Variants in SCAMP1 observed in about 807,000 individuals in gnomAD.
SCAMP1 encodes secretory carrier membrane protein 1.
SCAMP1 carries 15 observed loss-of-function variants against 41.8 expected under a neutral mutation model. That is an observed-to-expected ratio of 0.36 (90% CI 0.24 to 0.55). The LOEUF is 0.55. SCAMP1 is among the 20% of genes least tolerant of loss of function. The pLI is 0.86. For synonymous variants in SCAMP1, 135 were observed against 136.8 expected (o/e 0.99, Z 0.09); for missense variants, 341 against 412.6 (o/e 0.83, Z 1.50).
rs1041671033 is a variant in SCAMP1, at chr5:78,476,237, T to C, written c.*569T>C. Reference sequence around the variant, plus strand: ...TTTCTTTTTTTTAGAATAGCTGATATTTTGATAACAATCTCTAATTTGCAT... The same window carrying C: ...TTTCTTTTTTTTAGAATAGCTGATACTTTGATAACAATCTCTAATTTGCAT... On this transcript the variant is annotated 3_prime_UTR_variant, in exon 9 of 9. Transcript: ENST00000621999. The C allele has an allele frequency of 1.3e-5, 2 of 152,212 alleles. No individual in the cohort carries two copies. Among genetic ancestry groups the C allele is most frequent in the African/African-American group, 4.8e-5 (2 of 41,440 alleles). The allele number at this position is 152,212 out of a possible 1,614,324, so 9.4% of individuals were successfully genotyped here. A position where few individuals can be genotyped will look rare whatever the true frequency, so the allele number is the denominator to read the frequency against.
rs887204929 is a variant in SCAMP1, at chr5:78,457,737, T to G, written c.735-1508T>G. Reference sequence around the variant, plus strand: ...CCCAGTTCGAGCTTCCCGGCTGCTTTGTTTACCTAAGCAAGCCTGGGCAAT... The same window carrying G: ...CCCAGTTCGAGCTTCCCGGCTGCTTGGTTTACCTAAGCAAGCCTGGGCAAT... On this transcript the variant is annotated intron_variant, in intron 7 of 8. Transcript: ENST00000621999. 4.5e-5 allele frequency: 7 copies of G among 153,878 alleles called. 1 individual carries two copies. The highest frequency in any genetic ancestry group is 3.9e-4 in the Admixed American group (6 of 15,304). 9.5% of individuals were successfully genotyped at this position (153,878 alleles called of 1,614,324 possible). A position where few individuals can be genotyped will look rare whatever the true frequency, so the allele number is the denominator to read the frequency against.
intron 7 of SCAMP1, among the ~76,000 whole-genome samples, chr5:78,453,581 T>G (rs1753300805): frequency 6.6e-6 from 1 of 151,478 alleles, no homozygotes; most frequent in Admixed American, 6.6e-5. Flanking sequence ...CTGTTTTGGT[T>G]ACTGTAGCCT....
intron 6 of SCAMP1, among the ~76,000 whole-genome samples, chr5:78,430,056 T>A (rs1409616684): frequency 8.4e-6 from 1 of 119,558 alleles, no homozygotes; most frequent in African/African-American, 3.2e-5. Context: ...AGTATTTATT[T>A]ATAAATACAG....
chr5:78,457,605 A>G (rs1355900364), intron 7 of SCAMP1, among the ~76,000 whole-genome samples: 3 of 152,206 alleles, frequency 2.0e-5, no homozygotes, highest in Admixed American at 1.3e-4. Context: ...AGACAGGGAC[A>G]TTTAAGTCTG....
chr5:78,452,223 G>A (rs987786043), intron 7 of SCAMP1, among the ~76,000 whole-genome samples: 1 of 148,968 alleles, frequency 6.7e-6, no homozygotes, highest in African/African-American at 2.5e-5. Flanking sequence ...TAGGGTACAT[G>A]TGCACATTGT....
rs1288697696 is a variant in SCAMP1 at position 78,459,327 on chromosome 5, G to A, written c.817G>A (p.Ala273Thr). 1 of 1,599,940 alleles carries A rather than the reference G, an allele frequency of 6.3e-7. No individual in the cohort carries two copies. The highest frequency in any genetic ancestry group is 1.7e-5 in the Admixed American group (1 of 59,618). ...GATAATCATAGCAGCACTTTTCACAGCATCAGCAGTCATCTCACTAGTTAT... is the reference window on the plus strand; with the variant it reads ...GATAATCATAGCAGCACTTTTCACAACATCAGCAGTCATCTCACTAGTTAT... ...MMIIIAALFT[A>T]SAVISLVMFK... is the part of the protein sequence containing the mutation. The change falls in exon 8 of 9, where the codon GCA becomes ACA. Residue 273 changes from alanine to threonine, a missense_variant. Ala to Thr is a moderately conservative substitution (Grantham distance 58). Transcript: ENST00000621999.
chr5:78,466,793 G>A (rs1437308211), intron 8 of SCAMP1, among the ~76,000 whole-genome samples: 3 of 152,160 alleles, frequency 2.0e-5, no homozygotes, highest in Admixed American at 2.0e-4. Context: ...TTTGGGATTT[G>A]CGGGGCCGAG....
chr5:78,400,951 A>G (rs1751783816), intron 2 of SCAMP1, among the ~76,000 whole-genome samples: 1 of 152,164 alleles, frequency 6.6e-6, no homozygotes, highest in Admixed American at 6.5e-5. Context: ...GTTTCTCACC[A>G]ATAAGTTGAT....
chr5:78,448,685 G>A (rs1480326877), intron 6 of SCAMP1, among the ~76,000 whole-genome samples: 2 of 152,226 alleles, frequency 1.3e-5, no homozygotes, highest in Non-Finnish European at 2.9e-5. Flanking sequence ...GAATACTCAT[G>A]TACTGCCAGT....
Position 78,480,020 on chromosome 5 carries a change from T to C in SCAMP1, c.*4352T>C, listed in dbSNP as rs938092983. Among the ~76,000 whole-genome samples, 1 of 150,714 alleles carries C rather than the reference T, an allele frequency of 6.6e-6. No individual in the cohort carries two copies. The highest frequency in any genetic ancestry group is 6.6e-5 in the Admixed American group (1 of 15,120). Reference sequence around the variant, plus strand: ...GAGATCTCTCCACTGCACTCCAGCCTGGGCGACAGAGCGAGACTCCATCTC... The same window carrying C: ...GAGATCTCTCCACTGCACTCCAGCCCGGGCGACAGAGCGAGACTCCATCTC... On this transcript the variant is annotated 3_prime_UTR_variant, in exon 9 of 9. Transcript: ENST00000621999.
At chr5:78,471,708 C>T (rs897556874) in intron 8 of SCAMP1, among the ~76,000 whole-genome samples, 8 of 152,144 alleles carry the variant, frequency 5.3e-5, no homozygotes, top group Non-Finnish European at 8.8e-5. Flanking sequence ...ATTAAGGAGG[C>T]AGGACTCCTT....
intron 1 of SCAMP1, among the ~76,000 whole-genome samples, chr5:78,381,799 G>A (rs1353085941): frequency 1.3e-5 from 2 of 152,178 alleles, no homozygotes; most frequent in Non-Finnish European, 2.9e-5. Context: ...TTGGTTAAGG[G>A]AGAAAGATGT....
chr5:78,399,399 A>G (rs768703946), intron 2 of SCAMP1, among the ~76,000 whole-genome samples: 4 of 152,218 alleles, frequency 2.6e-5, no homozygotes, highest in Non-Finnish European at 4.4e-5. Flanking sequence ...CTGCCAAACT[A>G]TCTTTCAAAG....
At chr5:78,430,129 A>G (rs62364265) in intron 6 of SCAMP1, among the ~76,000 whole-genome samples, 9,356 of 29,230 alleles carry the variant, frequency 0.32, 1,228 homozygotes, top group East Asian at 0.53. Context: ...TACAGTATTT[A>G]TTTATAAATA....
At chr5:78,437,015 G>C (rs569959217) in intron 6 of SCAMP1, among the ~76,000 whole-genome samples, 1 of 152,158 alleles carries the variant, frequency 6.6e-6, no homozygotes, top group South Asian at 2.1e-4. Flanking sequence ...TCACAATTTG[G>C]CTCTCTGTTT....
intron 7 of SCAMP1, among the ~76,000 whole-genome samples, chr5:78,456,976 T>A (rs993909169): frequency 7.4e-6 from 1 of 135,344 alleles, no homozygotes; most frequent in Non-Finnish European, 1.6e-5. Context: ...GTTGATCGCA[T>A]GGGCTCCTGA....
intron 2 of SCAMP1, among the ~76,000 whole-genome samples, chr5:78,398,704 C>T (rs893524638): frequency 5.3e-5 from 8 of 151,616 alleles, no homozygotes; most frequent in Non-Finnish European, 1.2e-4. Flanking sequence ...CCACCACACC[C>T]GCCTACTTTT....
In SCAMP1 at chr5:78,480,366, T is replaced by G. The variant is rs1754113299; in HGVS notation, c.*4698T>G. Among the ~76,000 whole-genome samples the G allele has an allele frequency of 6.6e-6, 1 of 152,246 alleles. No individual in the cohort carries two copies. Among genetic ancestry groups the G allele is most frequent in the Admixed American group, 6.5e-5 (1 of 15,288 alleles). On this transcript the variant is annotated 3_prime_UTR_variant, in exon 9 of 9. Coordinates refer to ENST00000621999, the MANE Select transcript of SCAMP1 (RefSeq NM_004866.6). ...TTTGTAGAATAATACCATACAAGTT[T>G]TATTTTTAAATTCTAGTTATTTTCA...
At chr5:78,408,165 A>G (rs1431911303) in intron 2 of SCAMP1, among the ~76,000 whole-genome samples, 4 of 152,198 alleles carry the variant, frequency 2.6e-5, no homozygotes, top group Admixed American at 2.0e-4. Context: ...TTGCAGTTCT[A>G]CATGGCTGAG....
Sources: gnomAD v4.1 joint callset for allele counts (sites outside exome capture counted in the v4.1 genomes callset) on GRCh38, gnomAD v4.1.1 for gene constraint, MANE v1.5 for transcripts, NCBI Gene and HGNC (gene_info 2026-07-23, HGNC 2026-07-21) for gene names.